The following PSPH variants were observed in gnomAD, a reference collection of about 807,000 sequenced individuals.
The protein encoded by PSPH is phosphoserine phosphatase.
Under a neutral mutation model 23.4 loss-of-function variants are expected in PSPH, and 16 were observed. That is an observed-to-expected ratio of 0.68 (90% CI 0.46 to 1.04). The LOEUF (loss-of-function observed/expected upper bound fraction) is 1.04. PSPH is among the 50% of genes least tolerant of loss of function. The probability of loss-of-function intolerance (pLI) is 0.00; values close to 1 mark genes in which losing one functional copy is unlikely to be tolerated. For missense variants in PSPH, 223 were observed against 273.7 expected, an observed-to-expected ratio of 0.81 and a Z score of 1.31; for synonymous variants, 68 against 99.7, an observed-to-expected ratio of 0.68 and a Z score of 1.89.
intron 5 of PSPH, among the ~76,000 whole-genome samples, chr7:56,018,523 A>T (rs1788894836): frequency 6.6e-6 from 1 of 152,158 alleles, no homozygotes; most frequent in East Asian, 1.9e-4. Context: ...ACAACTGGCC[A>T]GACAAGACCA....
chr7:56,026,094 C>T (rs952174444), intron 3 of PSPH, among the ~76,000 whole-genome samples: 2 of 152,182 alleles, frequency 1.3e-5, no homozygotes, highest in African/African-American at 4.8e-5. Flanking sequence ...TCTATCTCTG[C>T]ACCCAGCACC....
At chr7:56,042,237 AT>A (rs1332390603) in intron 1 of PSPH, among the ~76,000 whole-genome samples, 7 of 151,126 alleles carry the variant, frequency 4.6e-5, no homozygotes, top group Admixed American at 1.3e-4. Context: ...AAAAAAAAAA[AT>A]CTGTCTGAAA....
intron 3 of PSPH, among the ~76,000 whole-genome samples, chr7:56,022,369 C>T (rs1362337002): frequency 1.3e-5 from 2 of 151,940 alleles, no homozygotes; most frequent in East Asian, 3.9e-4. Context: ...TTCAAGGAGG[C>T]ACAAGTATTT....
chr7:56,012,449 G>A (rs893644784), intron 7 of PSPH, among the ~76,000 whole-genome samples: 35 of 152,158 alleles, frequency 2.3e-4, no homozygotes, highest in Admixed American at 1.9e-3. Context: ...CCAAAGTGCT[G>A]GGATCACAGG....
chr7:56,021,363 T>C, intron 3 of PSPH, 132 bp from the exon 4 acceptor site: 3 of 631,706 alleles, frequency 4.7e-6, no homozygotes, highest in Non-Finnish European at 6.9e-6. Flanking sequence ...CACAGATTCA[T>C]TTTTTTTTCC....
chr7:56,048,925 T>G (rs1793606293), intron 1 of PSPH, among the ~76,000 whole-genome samples: 2 of 151,938 alleles, frequency 1.3e-5, no homozygotes, highest in Non-Finnish European at 2.9e-5. Flanking sequence ...TTTTGGTGGT[T>G]GTTTTTTTCT....
chr7:56,023,254 G>A lies in PSPH; in HGVS notation c.-19-2023C>T, dbSNP rs570230191. Among the ~76,000 whole-genome samples the A allele has an allele frequency of 4.3e-4, 65 of 151,026 alleles. 1 individual carries two copies. The highest frequency in any genetic ancestry group is 1.3e-3 in the African/African-American group (54 of 40,622). ...CTACAGAAGCTGCAGAGGACAGAGA[G>A]TCAAAACAAATTTTTTTTTTTTTAG... is the stretch of plus-strand genomic sequence containing the variant. On this transcript the variant is annotated intron_variant, in intron 3 of 7. Coordinates refer to ENST00000275605, the MANE Select transcript of PSPH (RefSeq NM_004577.4).
intron 1 of PSPH, among the ~76,000 whole-genome samples, chr7:56,039,928 A>G (rs886708226): frequency 3.3e-5 from 5 of 151,748 alleles, no homozygotes; most frequent in Admixed American, 1.3e-4. Flanking sequence ...GAAACCCCGT[A>G]TCTACTAAAA....
intron 5 of PSPH, among the ~76,000 whole-genome samples, chr7:56,018,681 G>T (rs975074539): frequency 6.6e-6 from 1 of 151,920 alleles, no homozygotes; most frequent in Non-Finnish European, 1.5e-5. Flanking sequence ...TATTTTAAAG[G>T]CTGGGTATAG....
At position 56,019,629 on chromosome 7, in the gene PSPH, C is replaced by T. The variant is rs1789050434; in HGVS notation, c.246G>A (p.Glu82=). ...TGCCGGGGGTCAGGTGTGGGGGTTG[C>T]TCTGCTATGAGTCTCTGCACCTGCT... is the stretch of plus-strand genomic sequence containing the variant. ...SREQVQRLIA[E]QPPHLTPGIR... The change falls in exon 5 of 8, where the codon GAG becomes GAA. Residue 82 remains glutamate, a synonymous_variant. Transcript: ENST00000275605. 6.2e-7 allele frequency: 1 copy of T among 1,613,884 alleles called. No homozygotes were observed. Among genetic ancestry groups the T allele is most frequent in the Non-Finnish European group, 8.5e-7 (1 of 1,179,880 alleles).
At chr7:56,029,005 G>C (rs1790581751) in intron 3 of PSPH, among the ~76,000 whole-genome samples, 1 of 151,592 alleles carries the variant, frequency 6.6e-6, no homozygotes, top group Non-Finnish European at 1.5e-5. Flanking sequence ...AGTAGAGATG[G>C]GGTTTCACCA....
At chr7:56,014,043 C>T (rs1375976821) in intron 7 of PSPH, among the ~76,000 whole-genome samples, 1 of 152,004 alleles carries the variant, frequency 6.6e-6, no homozygotes, top group Admixed American at 6.6e-5. Context: ...GTGGGAGAAT[C>T]ACTTGAGCCC....
At chr7:56,035,029 G>A (rs1562817206) in intron 1 of PSPH, among the ~76,000 whole-genome samples, 4 of 152,104 alleles carry the variant, frequency 2.6e-5, no homozygotes, top group South Asian at 2.1e-4. Context: ...GAGATACCGC[G>A]CCCGGCCTAT....
intron 3 of PSPH, among the ~76,000 whole-genome samples, chr7:56,023,474 A>C (rs1047474639): frequency 3.3e-5 from 5 of 151,774 alleles, no homozygotes; most frequent in African/African-American, 1.2e-4. Context: ...TGTTGCCCAG[A>C]ATGGTCTTCA....
intron 5 of PSPH, among the ~76,000 whole-genome samples, chr7:56,017,726 T>C (rs1312427234): frequency 6.8e-6 from 1 of 147,510 alleles, no homozygotes; most frequent in African/African-American, 2.5e-5. Context: ...CTTTTTTTTT[T>C]TTTTTTTTTG....
intron 1 of PSPH, among the ~76,000 whole-genome samples, chr7:56,036,701 C>A (rs1791773249): frequency 6.6e-6 from 1 of 152,086 alleles, no homozygotes; most frequent in Admixed American, 6.6e-5. Flanking sequence ...CATACTCACA[C>A]CTATATTGAT....
At chr7:56,029,861 C>T (rs1790709863) in intron 3 of PSPH, among the ~76,000 whole-genome samples, 1 of 151,612 alleles carries the variant, frequency 6.6e-6, no homozygotes, top group African/African-American at 2.4e-5. Context: ...CAAAGTATAG[C>T]CGGGCGTGGG....
intron 1 of PSPH, among the ~76,000 whole-genome samples, chr7:56,039,774 C>CAAA (rs67220264): frequency 1.5e-5 from 1 of 64,982 alleles, no homozygotes. Flanking sequence ...GACTCTGTCT[C>CAAA]AAAAAAAAAA....
intron 1 of PSPH, among the ~76,000 whole-genome samples, chr7:56,049,782 C>T (rs1443054728): frequency 1.3e-5 from 2 of 151,812 alleles, no homozygotes; most frequent in African/African-American, 4.8e-5. Flanking sequence ...GCTCTGTTGC[C>T]CAGGCTGGAG....
Sources: gnomAD v4.1 joint callset for allele counts (sites outside exome capture counted in the v4.1 genomes callset) on GRCh38, gnomAD v4.1.1 for gene constraint, MANE v1.5 for transcripts, NCBI Gene and HGNC (gene_info 2026-07-23, HGNC 2026-07-21) for gene names.